Variants in NUDT4 observed in about 807,000 individuals in gnomAD.
NUDT4 encodes the protein diphosphoinositol polyphosphate phosphohydrolase 2.
A neutral mutation model predicts 23.1 loss-of-function variants in NUDT4; 5 were observed. The observed-to-expected ratio is 0.22, with a 90% confidence interval of 0.11 to 0.46. NUDT4 has a LOEUF of 0.46. NUDT4 is among the 20% of genes least tolerant of loss of function. The pLI, the probability that NUDT4 is intolerant of heterozygous loss-of-function variation, is 0.99. For missense variants in NUDT4, 96 were observed against 211.6 expected (o/e 0.45, Z 3.39); for synonymous variants, 50 against 79.0 (o/e 0.63, Z 1.95).
intron 1 of NUDT4, among the ~76,000 whole-genome samples, chr12:93,391,236 T>C (rs1009596400): frequency 1.3e-5 from 2 of 152,012 alleles, no homozygotes; most frequent in African/African-American, 4.8e-5. Context: ...GAGACCTGTC[T>C]AGGCAACATG....
In NUDT4 at chr12:93,404,159, A is replaced by G. The variant is rs1273655585; in HGVS notation, c.*4780A>G. 1 of 151,280 alleles carries G rather than the reference A, an allele frequency of 6.6e-6. No homozygotes were observed. Among genetic ancestry groups the G allele is most frequent in the Non-Finnish European group, 1.5e-5 (1 of 68,020 alleles). The allele number at this position is 151,280 out of a possible 1,614,324, so 9.4% of individuals were successfully genotyped here. Reference sequence around the variant, plus strand: ...GAAGTACTTTCATTTGGCCATCATTATTTATCAACCTTAAGAAACATGCCT... The same window carrying G: ...GAAGTACTTTCATTTGGCCATCATTGTTTATCAACCTTAAGAAACATGCCT... On this transcript the variant is annotated 3_prime_UTR_variant, in exon 5 of 5. Coordinates refer to ENST00000415493, the MANE Select transcript of NUDT4 (RefSeq NM_019094.6).
rs1312175434 is a variant in NUDT4 at position 93,402,212 on chromosome 12, ATAAT to A, written c.*2835_*2838del. 3.9e-5 allele frequency: 6 copies of A among 152,282 alleles called. No homozygotes were observed. Among genetic ancestry groups the A allele is most frequent in the Non-Finnish European group, 7.3e-5 (5 of 68,028 alleles). The allele number at this position is 152,282 out of a possible 1,614,324, so 9.4% of individuals were successfully genotyped here. A position where few individuals can be genotyped will look rare whatever the true frequency, so the allele number is the denominator to read the frequency against. ...ATTGCTTTGCATGGTCTCATTTGAG[ATAAT>A]TGATGTAAGAATCCTGACTTTTTTA... On this transcript the variant is annotated 3_prime_UTR_variant, in exon 5 of 5. Coordinates refer to ENST00000415493, the MANE Select transcript of NUDT4 (RefSeq NM_019094.6).
At chr12:93,398,889 C>A in intron 4 of NUDT4, 34 bp downstream of exon 4, 1 of 1,301,308 alleles carries the variant, frequency 7.7e-7, no homozygotes, top group South Asian at 1.2e-5. Flanking sequence ...ATACTCTGTT[C>A]TAACAGAAGA....
At chr12:93,385,938 T>C (rs1565777225) in intron 1 of NUDT4, among the ~76,000 whole-genome samples, 1 of 67,606 alleles carries the variant, frequency 1.5e-5, no homozygotes, top group African/African-American at 6.4e-5. Context: ...ATAGTAAATC[T>C]TTTTATATAT....
intron 1 of NUDT4, among the ~76,000 whole-genome samples, chr12:93,380,403 A>T (rs747179428): frequency 6.6e-6 from 1 of 152,244 alleles, no homozygotes; most frequent in African/African-American, 2.4e-5. Flanking sequence ...TTCTACTGAA[A>T]TAAATACTAA....
intron 1 of NUDT4, among the ~76,000 whole-genome samples, chr12:93,385,525 G>A (rs1364782442): frequency 6.6e-6 from 1 of 152,152 alleles, no homozygotes; most frequent in Non-Finnish European, 1.5e-5. Flanking sequence ...TCAAACCTAT[G>A]AATGACCATG....
At chr12:93,399,156 C>T in intron 4 of NUDT4, 21 bp from the exon 5 acceptor site, 1 of 1,578,900 alleles carries the variant, frequency 6.3e-7, no homozygotes, top group East Asian at 2.2e-5. Context: ...GTCTTGTAAC[C>T]AATGTCATTC....
intron 4 of NUDT4, 56 bp downstream of exon 4, chr12:93,398,911 C>G: frequency 8.3e-7 from 1 of 1,207,892 alleles, no homozygotes; most frequent in Non-Finnish European, 1.2e-6. Flanking sequence ...TGGGAAGATT[C>G]TGTTAATATA....
chr12:93,398,455 G>A (rs1346486182), intron 3 of NUDT4, among the ~76,000 whole-genome samples: 4 of 152,022 alleles, frequency 2.6e-5, no homozygotes, highest in African/African-American at 7.3e-5. Flanking sequence ...GAAGGCCAAA[G>A]CAGGAGGTTC....
chr12:93,403,922 C>T lies in NUDT4; in HGVS notation c.*4543C>T, dbSNP rs1249582551. 2.0e-5 allele frequency: 3 copies of T among 152,208 alleles called. No individual in the cohort carries two copies. Among genetic ancestry groups the T allele is most frequent in the African/African-American group, 7.2e-5 (3 of 41,454 alleles). 9.4% of individuals were successfully genotyped at this position (152,208 alleles called of 1,614,324 possible). The stretch of plus-strand genomic sequence containing the variant: ...AAGACCTAAACACTCAAAGGTTCAA[C>T]GTCTTCTAGCCAGGGAACTATTCTC... On this transcript the variant is annotated 3_prime_UTR_variant, in exon 5 of 5. Coordinates refer to ENST00000415493, the MANE Select transcript of NUDT4 (RefSeq NM_019094.6).
At chr12:93,398,970 T>C in intron 4 of NUDT4, 115 bp downstream of exon 4, 1 of 850,598 alleles carries the variant, frequency 1.2e-6, no homozygotes, top group South Asian at 1.8e-5. Context: ...TATTCCTGTG[T>C]CCAGTTTCCA....
chr12:93,386,936 T>TTTA (rs999859393), intron 1 of NUDT4, among the ~76,000 whole-genome samples: 23 of 151,472 alleles, frequency 1.5e-4, no homozygotes, highest in Non-Finnish European at 3.0e-4. Flanking sequence ...CTGATTTTTT[T>TTTA]TTATTATTAT....
chr12:93,395,731 A>AT (rs1876884507), intron 3 of NUDT4, among the ~76,000 whole-genome samples, 198 bp downstream of exon 3: 2 of 151,682 alleles, frequency 1.3e-5, no homozygotes, highest in East Asian at 3.9e-4. Context: ...TTTTTAATTA[A>AT]TTTTTTTTAA....
At chr12:93,396,281 AG>A (rs2120958429) in intron 3 of NUDT4, among the ~76,000 whole-genome samples, 1 of 152,350 alleles carries the variant, frequency 6.6e-6, no homozygotes, top group Admixed American at 6.5e-5. Context: ...TCAGGTACAT[AG>A]AACAGATGCT....
rs1482993387 is a variant in NUDT4, at chr12:93,403,776, T to C, written c.*4397T>C. On this transcript the variant is annotated 3_prime_UTR_variant, in exon 5 of 5. Coordinates refer to ENST00000415493, the MANE Select transcript of NUDT4 (RefSeq NM_019094.6). ...TGGAGCTCTAGGACAAAAGTCAGGA[T>C]GAAAAGTAATCTATCGCTGGTGCTA... 1 of 152,220 alleles carries C rather than the reference T, an allele frequency of 6.6e-6. No individual in the cohort carries two copies. The highest frequency in any genetic ancestry group is 1.5e-5 in the Non-Finnish European group (1 of 68,042). 9.4% of individuals were successfully genotyped at this position (152,220 alleles called of 1,614,324 possible).
At chr12:93,381,546 G>A (rs1453410438) in intron 1 of NUDT4, among the ~76,000 whole-genome samples, 1 of 152,134 alleles carries the variant, frequency 6.6e-6, no homozygotes, top group Non-Finnish European at 1.5e-5. Flanking sequence ...AGGGATCAAT[G>A]GAAAGGGAAA....
intron 2 of NUDT4, 67 bp from the exon 3 acceptor site, chr12:93,395,422 T>A (rs1793930813): frequency 8.9e-7 from 1 of 1,120,888 alleles, no homozygotes; most frequent in South Asian, 1.3e-5. Context: ...AGCCAGAGTG[T>A]AACTTGTATT....
intron 4 of NUDT4, 96 bp from the exon 5 acceptor site, chr12:93,399,076 ATTGTT>A (rs1247946780): frequency 2.5e-5 from 21 of 833,036 alleles, no homozygotes; most frequent in African/African-American, 3.4e-5. Context: ...TCCCCAACAT[ATTGTT>A]GTCTAAGTCA....
chr12:93,378,546 C>T (rs926695885), intron 1 of NUDT4, 125 bp downstream of exon 1: 22 of 1,308,224 alleles, frequency 1.7e-5, no homozygotes, highest in Non-Finnish European at 2.0e-5. Flanking sequence ...TTCCTCCCTC[C>T]CTCCTTTCCT....
Sources: allele counts gnomAD v4.1 joint callset (sites outside exome capture counted in the v4.1 genomes callset), GRCh38; gene constraint gnomAD v4.1.1; transcripts MANE v1.5; gene names NCBI Gene and HGNC (gene_info 2026-07-23, HGNC 2026-07-21).